The following LHPP variants were observed in gnomAD, a reference collection of about 807,000 sequenced individuals.
LHPP encodes the protein phospholysine phosphohistidine inorganic pyrophosphate phosphatase, also known as hLHPP.
Under a neutral mutation model 30.3 loss-of-function variants are expected in LHPP, and 24 were observed. That is an observed-to-expected ratio of 0.79 (90% CI 0.57 to 1.11). The LOEUF is 1.11. Among genes scored for constraint, LHPP ranks in the 50% most tolerant of loss-of-function variants. LHPP has a pLI of 0.00. For synonymous variants in LHPP, 150 were observed against 157.1 expected (o/e 0.95, Z 0.34); for missense variants, 356 against 367.2 (o/e 0.97, Z 0.25).
At chr10:124,486,840 C>A (rs892387196) in intron 2 of LHPP, among the ~76,000 whole-genome samples, 1 of 152,206 alleles carries the variant, frequency 6.6e-6, no homozygotes, top group Non-Finnish European at 1.5e-5. Context: ...GAGCAGGGCC[C>A]GAGGCCTTGA....
intron 6 of LHPP, among the ~76,000 whole-genome samples, chr10:124,525,757 C>A (rs1231787730): frequency 6.6e-6 from 1 of 152,198 alleles, no homozygotes; most frequent in East Asian, 1.9e-4. Flanking sequence ...GCAGGGGAGA[C>A]AGGATTGGGA....
chr10:124,584,827 CT>C (rs1229000671), intron 6 of LHPP, among the ~76,000 whole-genome samples: 1 of 152,174 alleles, frequency 6.6e-6, no homozygotes, highest in Non-Finnish European at 1.5e-5. Context: ...AATCTGAAAT[CT>C]GGTATGCTCC....
intron 4 of LHPP, among the ~76,000 whole-genome samples, chr10:124,497,283 TCCTCC>T (rs1953751550): frequency 8.8e-6 from 1 of 113,016 alleles, no homozygotes; most frequent in South Asian, 2.8e-4. Context: ...ATCCTCCCCA[TCCTCC>T]CCATCCTCCA....
intron 6 of LHPP, among the ~76,000 whole-genome samples, chr10:124,580,103 C>T (rs1948724583): frequency 8.7e-6 from 1 of 115,212 alleles, no homozygotes. Context: ...TCCTTTGTAG[C>T]TTCACTGTGG....
Position 124,541,099 on chromosome 10 carries a change from G to A in LHPP, c.716+23828G>A, listed in dbSNP as rs1225014177. On this transcript the variant is annotated intron_variant, in intron 6 of 6. Coordinates refer to ENST00000368842, the MANE Select transcript of LHPP (RefSeq NM_022126.4). This position sits in a 1 kb window ranked among gnomAD's most constrained non-coding sequence, Gnocchi z 4.2. ...AAATCACAAAGTGGCCCTGGGCCCT[G>A]GGATGGCCGGAGGAGAGCCTGCCAT... Among the ~76,000 whole-genome samples the A allele has an allele frequency of 3.3e-5, 5 of 152,188 alleles. No individual in the cohort carries two copies. Among genetic ancestry groups the A allele is most frequent in the Non-Finnish European group, 5.9e-5 (4 of 68,036 alleles).
chr10:124,511,923 A>G (rs973907395), intron 5 of LHPP, among the ~76,000 whole-genome samples: 12 of 152,006 alleles, frequency 7.9e-5, no homozygotes, highest in African/African-American at 9.7e-5. Flanking sequence ...CCTGTCCTCC[A>G]TGTCCTACAA....
At chr10:124,472,386 G>A (rs1029336079) in intron 1 of LHPP, among the ~76,000 whole-genome samples, 2 of 152,116 alleles carry the variant, frequency 1.3e-5, no homozygotes, top group African/African-American at 4.8e-5. Flanking sequence ...TGTGAGTGCT[G>A]GAAGCGAGCT....
chr10:124,571,684 T>TG (rs1437094118), intron 6 of LHPP, among the ~76,000 whole-genome samples: 5 of 136,788 alleles, frequency 3.7e-5, no homozygotes, highest in Admixed American at 2.2e-4. Flanking sequence ...AGACTTTTTG[T>TG]GTTTTTTTGC....
chr10:124,467,877 C>G (rs906211403), intron 1 of LHPP, among the ~76,000 whole-genome samples: 6 of 151,982 alleles, frequency 3.9e-5, no homozygotes, highest in Admixed American at 6.6e-5. Context: ...CCTGGTTAAT[C>G]ATTTGTATTT....
Position 124,576,497 on chromosome 10 carries a change from A to C in LHPP, c.717-36767A>C, listed in dbSNP as rs1458880643. Among the ~76,000 whole-genome samples, 1 of 96,258 alleles carries C rather than the reference A, an allele frequency of 1.0e-5. No homozygotes were observed. Among genetic ancestry groups the C allele is most frequent in the Admixed American group, 1.1e-4 (1 of 9,450 alleles). 63.1% of individuals were successfully genotyped at this position (96,258 alleles called of 152,430 possible). ...CTATATCTTGCTCCCACTCCCTACC[A>C]TATGCTGTTCCCAGACCCCCCTCCA... On this transcript the variant is annotated intron_variant, in intron 6 of 6. Coordinates refer to ENST00000368842, the MANE Select transcript of LHPP (RefSeq NM_022126.4). This position sits in a 1 kb window ranked among gnomAD's most constrained non-coding sequence, Gnocchi z 4.2.
At chr10:124,588,480 C>T (rs530701821) in intron 6 of LHPP, among the ~76,000 whole-genome samples, 3 of 152,184 alleles carry the variant, frequency 2.0e-5, no homozygotes, top group East Asian at 1.9e-4. Context: ...GATGGAATTT[C>T]GCCATGTTGA....
At chr10:124,486,250 C>T (rs1743274060) in intron 2 of LHPP, among the ~76,000 whole-genome samples, 1 of 152,196 alleles carries the variant, frequency 6.6e-6, no homozygotes, top group Non-Finnish European at 1.5e-5. Flanking sequence ...CTACCTCGCA[C>T]CTTGCCCAGG....
At chr10:124,553,743 G>A (rs541393248) in intron 6 of LHPP, among the ~76,000 whole-genome samples, 16 of 152,356 alleles carry the variant, frequency 1.1e-4, no homozygotes, top group African/African-American at 3.4e-4. Flanking sequence ...ACAGGCGTGA[G>A]CCACCACGCC....
intron 1 of LHPP, among the ~76,000 whole-genome samples, chr10:124,483,615 G>C (rs532232559): frequency 3.3e-4 from 51 of 152,254 alleles, no homozygotes; most frequent in African/African-American, 1.2e-3. Flanking sequence ...AAATTAGCCA[G>C]GTATGATGGC....
chr10:124,469,497 C>G (rs1952665212), intron 1 of LHPP, among the ~76,000 whole-genome samples: 1 of 147,808 alleles, frequency 6.8e-6, no homozygotes, highest in Non-Finnish European at 1.5e-5. Context: ...TCCCTTCACA[C>G]CAGCCCCTGA....
rs957857043 is a variant in LHPP, at chr10:124,541,519, C to A, written c.716+24248C>A. Among the ~76,000 whole-genome samples the A allele has an allele frequency of 6.6e-6, 1 of 152,052 alleles. No homozygotes were observed. The highest frequency in any genetic ancestry group is 1.5e-5 in the Non-Finnish European group (1 of 68,016). Reference sequence around the variant, plus strand: ...GCCACCCTGAGGAATTCCACCTGGGCGTTTGGTGTCCCTAGCATATCTCGA... The same window carrying A: ...GCCACCCTGAGGAATTCCACCTGGGAGTTTGGTGTCCCTAGCATATCTCGA... On this transcript the variant is annotated intron_variant, in intron 6 of 6. Coordinates refer to ENST00000368842, the MANE Select transcript of LHPP (RefSeq NM_022126.4). The surrounding 1 kb of genome is among the most constrained non-coding windows in gnomAD (Gnocchi z 4.2).
chr10:124,607,849 C>T (rs1265646940), intron 6 of LHPP, among the ~76,000 whole-genome samples: 3 of 152,190 alleles, frequency 2.0e-5, no homozygotes, highest in African/African-American at 7.2e-5. Context: ...AGACCCGGGC[C>T]GCGGCCTCAG....
In LHPP at chr10:124,461,889, T is replaced by G; in HGVS notation, c.27T>G (p.Ala9=). ...TGGCACCGTGGGGCAAGCGGCTGGC[T>G]GGCGTGCGCGGGGTGCTGCTTGACA... The part of the protein sequence containing the change: MAPWGKRL[A]GVRGVLLDIS... The change falls in exon 1 of 7, where the codon GCT becomes GCG. Residue 9 remains alanine, a synonymous_variant. Coordinates refer to ENST00000368842, the MANE Select transcript of LHPP (RefSeq NM_022126.4). The G allele has an allele frequency of 1.6e-6, 2 of 1,257,786 alleles. No homozygotes were observed. The highest frequency in any genetic ancestry group is 7.6e-5 in the South Asian group (2 of 26,400). 77.9% of individuals were successfully genotyped at this position (1,257,786 alleles called of 1,614,324 possible). A position where few individuals can be genotyped will look rare whatever the true frequency, so the allele number is the denominator to read the frequency against.
intron 6 of LHPP, among the ~76,000 whole-genome samples, chr10:124,560,019 G>A (rs1402594255): frequency 6.6e-6 from 1 of 152,190 alleles, no homozygotes; most frequent in Non-Finnish European, 1.5e-5. Flanking sequence ...CACTTTCCAG[G>A]CCCTGCGATC....
Sources: allele counts gnomAD v4.1 joint callset (sites outside exome capture counted in the v4.1 genomes callset), GRCh38; gene constraint gnomAD v4.1.1; non-coding constraint Gnocchi (gnomAD v3.1); transcripts MANE v1.5; gene names NCBI Gene and HGNC (gene_info 2026-07-23, HGNC 2026-07-21).